The following SH3TC1 variants were observed in gnomAD, a reference collection of about 807,000 sequenced individuals.
SH3TC1 encodes the protein SH3 domain and tetratricopeptide repeats 1.
In SH3TC1, 135 loss-of-function variants were observed where a neutral mutation model predicts 117.3. The observed-to-expected ratio is 1.15, with a 90% CI of 1.00 to 1.33. The LOEUF (loss-of-function observed/expected upper bound fraction) is 1.33, where lower values mean the gene tolerates loss of function less well. Among genes scored for constraint, SH3TC1 ranks in the 40% most tolerant of loss-of-function variants. The pLI, the probability that SH3TC1 is intolerant of heterozygous loss-of-function variation, is 0.00. For synonymous variants in SH3TC1, 898 were observed against 816.9 expected (o/e 1.10, Z -1.69); for missense variants, 2,092 against 1,794.3 (o/e 1.17, Z -3.00).
Position 8,206,832 on chromosome 4 carries a change from C to CGTGTGTGTGTGTGTGTGT in SH3TC1, c.172+1486_172+1503dup, listed in dbSNP as rs58753240. Among the ~76,000 whole-genome samples the CGTGTGTGTGTGTGTGTGT allele has an allele frequency of 6.9e-6, 1 of 144,672 alleles. No individual in the cohort carries two copies. Among genetic ancestry groups the CGTGTGTGTGTGTGTGTGT allele is most frequent in the Non-Finnish European group, 1.5e-5 (1 of 65,600 alleles). The allele number at this position is 144,672 out of a possible 152,430, so 94.9% of individuals were successfully genotyped here. On this transcript the variant is annotated intron_variant, in intron 2 of 17. Coordinates refer to ENST00000245105, the MANE Select transcript of SH3TC1 (RefSeq NM_018986.5). The surrounding 1 kb of genome is among the most constrained non-coding windows in gnomAD (Gnocchi z 5.5). ...AGGACTTTTACTTTGTGTGTGTACTCGTGTGTGTGTGTGTGTGTGTGTGTG... is the reference window on the plus strand; with the variant it reads ...AGGACTTTTACTTTGTGTGTGTACTCGTGTGTGTGTGTGTGTGTGTGTGTGTGTGTGTGTGTGTGTGTG...
chr4:8,236,197 G>A (rs557170835), intron 15 of SH3TC1, 81 bp from the exon 16 acceptor site: 50 of 1,443,938 alleles, frequency 3.5e-5, no homozygotes, highest in Middle Eastern at 2.5e-4. Context: ...GGGAAGCTCC[G>A]AGCACATGTT....
chr4:8,211,629 G>C (rs879708947), intron 3 of SH3TC1, among the ~76,000 whole-genome samples: 1 of 150,800 alleles, frequency 6.6e-6, no homozygotes. Flanking sequence ...ATCTGGGGCC[G>C]AGTCTTGACC....
rs755795530 is a variant in SH3TC1 at position 8,232,152 on chromosome 4, G to A, written c.3127G>A (p.Glu1043Lys). The A allele has an allele frequency of 2.2e-5, 31 of 1,396,938 alleles. No individual in the cohort carries two copies. The highest frequency in any genetic ancestry group is 4.1e-4 in the Middle Eastern group (2 of 4,894). The allele number at this position is 1,396,938 out of a possible 1,614,324, so 86.5% of individuals were successfully genotyped here. A position where few individuals can be genotyped will look rare whatever the true frequency, so the allele number is the denominator to read the frequency against. The change falls in exon 13 of 18, where the codon GAG becomes AAG. Residue 1043 changes from glutamate to lysine, a missense_variant. By Grantham distance (56) the Glu-to-Lys change is moderately conservative. Coordinates refer to ENST00000245105, the MANE Select transcript of SH3TC1 (RefSeq NM_018986.5). ...CCAGCTCTACCTGTCCCTGGGCACC[G>A]AGCGGTGAGGGCTGGCTCTGTGGTG... ...ISQLYLSLGT[E>K]RAYKSALDYT... is the part of the protein sequence containing the mutation.
rs1560113469 is a variant in SH3TC1, at chr4:8,233,589, G to A, written c.3282+76G>A. On this transcript the variant is annotated intron_variant, in intron 14 of 17. Coordinates refer to ENST00000245105, the MANE Select transcript of SH3TC1 (RefSeq NM_018986.5). ...CATCCATCCGTCCATTGATGATGATGATAGATGATCCTTCCATCATCTATC... is the reference window on the plus strand; with the variant it reads ...CATCCATCCGTCCATTGATGATGATAATAGATGATCCTTCCATCATCTATC... 8.2e-6 allele frequency: 12 copies of A among 1,457,484 alleles called. No homozygotes were observed. The East Asian group carries it at 2.4e-4, about 30-fold the overall frequency. 90.3% of individuals were successfully genotyped at this position (1,457,484 alleles called of 1,614,324 possible). A position where few individuals can be genotyped will look rare whatever the true frequency, so the allele number is the denominator to read the frequency against.
chr4:8,201,141 G>A (rs1323936525), intron 1 of SH3TC1, among the ~76,000 whole-genome samples: 1 of 152,182 alleles, frequency 6.6e-6, no homozygotes, highest in African/African-American at 2.4e-5. Flanking sequence ...TGTTCCGTAA[G>A]AGCCTGGCGA....
Position 8,235,413 on chromosome 4 carries a change from G to C in SH3TC1, c.3283-20G>C. Reference sequence around the variant, plus strand: ...ACCTCACCAGGTGTGGGTCTTGAGGGAACTTCTGCCTCCTTTCAGGTGGCA... The same window carrying C: ...ACCTCACCAGGTGTGGGTCTTGAGGCAACTTCTGCCTCCTTTCAGGTGGCA... On this transcript the variant is annotated intron_variant, in intron 14 of 17. Coordinates refer to ENST00000245105, the MANE Select transcript of SH3TC1 (RefSeq NM_018986.5). The C allele has an allele frequency of 1.4e-6, 2 of 1,471,244 alleles. No homozygotes were observed. Among genetic ancestry groups the C allele is most frequent in the Non-Finnish European group, 1.8e-6 (2 of 1,102,762 alleles). The allele number at this position is 1,471,244 out of a possible 1,614,324, so 91.1% of individuals were successfully genotyped here. A position where few individuals can be genotyped will look rare whatever the true frequency, so the allele number is the denominator to read the frequency against.
chr4:8,211,224 T>C (rs1261556374), intron 3 of SH3TC1, among the ~76,000 whole-genome samples: 119 of 19,602 alleles, frequency 6.1e-3, no homozygotes, highest in Middle Eastern at 0.026. Flanking sequence ...CTCTCCCCCT[T>C]CTGGTTTCTC....
rs1427266036 is a variant in SH3TC1 at position 8,192,691 on chromosome 4, A to G, written c.-57+10481A>G. On this transcript the variant is annotated intron_variant, in intron 1 of 16. Transcript: ENST00000508641. The surrounding 1 kb of genome is among the most constrained non-coding windows in gnomAD (Gnocchi z 4.1). The stretch of plus-strand genomic sequence containing the variant: ...GTATTTTTAGTAGAGGTGGGGTTTC[A>G]CTGTGTTGGTCAGGCTGGTCTCAAA... 6.6e-6 allele frequency among the ~76,000 whole-genome samples: 1 copy of G among 151,692 alleles called. No individual in the cohort carries two copies. The highest frequency in any genetic ancestry group is 1.5e-5 in the Non-Finnish European group (1 of 67,964).
chr4:8,212,684 T>A lies in SH3TC1; in HGVS notation c.248-17T>A, dbSNP rs1423179238. On this transcript the variant is annotated splice_polypyrimidine_tract_variant and intron_variant, in intron 3 of 17. Coordinates refer to ENST00000245105, the MANE Select transcript of SH3TC1 (RefSeq NM_018986.5). The stretch of plus-strand genomic sequence containing the variant: ...CCCAGGTCAGACCAACTGCCCAACC[T>A]CCGTCTGCCCCTCCAGACCTGACCC... 6.2e-7 allele frequency: 1 copy of A among 1,612,662 alleles called. No homozygotes were observed. The highest frequency in any genetic ancestry group is 8.5e-7 in the Non-Finnish European group (1 of 1,179,862).
intron 15 of SH3TC1, chr4:8,236,051 G>A (rs368375349): frequency 2.9e-5 from 16 of 544,268 alleles, no homozygotes; most frequent in African/African-American, 5.9e-5. Context: ...GTGCCCAGGC[G>A]GGAGGGGCTG....
chr4:8,222,920 A>G lies in SH3TC1; in HGVS notation c.1193A>G (p.Gln398Arg), dbSNP rs1419775669. The G allele has an allele frequency of 1.9e-6, 3 of 1,613,346 alleles. No individual in the cohort carries two copies. The highest frequency in any genetic ancestry group is 2.2e-5 in the South Asian group (2 of 91,034). ...TGCTTTTCTGAGGAGGATGCCAGGC[A>G]GTTGCTGAGGCGGATGTCGGGCACC... is the stretch of plus-strand genomic sequence containing the variant. ...EGCFSEEDARQLLRRMSGTDV... is the reference protein window; with the variant it reads ...EGCFSEEDARRLLRRMSGTDV... The change falls in exon 10 of 18, where the codon CAG becomes CGG. Residue 398 changes from glutamine (Q) to arginine (R), a missense_variant. Physicochemically the swap from Gln to Arg is conservative, Grantham distance 43 (BLOSUM62 1). Transcript: ENST00000245105.
chr4:8,194,857 T>C (rs1717511883), upstream of SH3TC1, among the ~76,000 whole-genome samples: 1 of 152,178 alleles, frequency 6.6e-6, no homozygotes, highest in South Asian at 2.1e-4. Flanking sequence ...TCCCGGGGTT[T>C]CCGGCAATTG....
In SH3TC1 at chr4:8,240,874, G is replaced by T. The variant is rs1722275655; in HGVS notation, c.3930G>T (p.Glu1310Asp). 2 of 1,613,598 alleles carry T rather than the reference G, an allele frequency of 1.2e-6. No homozygotes were observed. Among genetic ancestry groups the T allele is most frequent in the African/African-American group, 2.7e-5 (2 of 75,066 alleles). The stretch of plus-strand genomic sequence containing the variant: ...AGAAGGCCAGGACCTTCGCCACAGA[G>T]CTCAACGTCCGCAGGGTCAACCTGC... ...FYQKARTFAT[E>D]LNVRRVNLPP... The change falls in exon 18 of 18, where the codon GAG (glutamate) becomes GAT (aspartate). Residue 1310 changes from glutamate (E) to aspartate (D), a missense_variant. By Grantham distance (45) the Glu-to-Asp change is conservative (BLOSUM62 2). Transcript: ENST00000245105.
chr4:8,225,065 C>A lies in SH3TC1; in HGVS notation c.1244-110C>A. The A allele has an allele frequency of 7.5e-7, 1 of 1,328,816 alleles. No homozygotes were observed. 82.3% of individuals were successfully genotyped at this position (1,328,816 alleles called of 1,614,324 possible). On this transcript the variant is annotated intron_variant, in intron 10 of 17. Coordinates refer to ENST00000245105, the MANE Select transcript of SH3TC1 (RefSeq NM_018986.5). This position sits in a 1 kb window ranked among gnomAD's most constrained non-coding sequence, Gnocchi z 5.5. ...CCCTGCAACATCTCAGCCCTCAATA[C>A]CTGCACCCAGCAATGCTCTCACCCT...
At position 8,237,677 on chromosome 4, in the gene SH3TC1, G is replaced by C; in HGVS notation, c.3753+7G>C. 1 of 1,592,028 alleles carries C rather than the reference G, an allele frequency of 6.3e-7. No homozygotes were observed. The highest frequency in any genetic ancestry group is 8.6e-7 in the Non-Finnish European group (1 of 1,166,634). On this transcript the variant is annotated splice_region_variant and intron_variant, in intron 17 of 17. Transcript: ENST00000245105. ...CATCTTCTACGACCTGAAGGTGGGT[G>C]GGGAGGGGCTGGGCTCAGGGTGTTC...
At chr4:8,216,818 G>C in intron 6 of SH3TC1, 139 bp from the exon 7 acceptor site, 1 of 811,360 alleles carries the variant, frequency 1.2e-6, no homozygotes, top group Non-Finnish European at 2.0e-6. Flanking sequence ...AGCCCCTTTG[G>C]GTCTCTGTGC....
rs1427702687 is a variant in SH3TC1 at position 8,190,072 on chromosome 4, A to G, written c.-57+7862A>G. On this transcript the variant is annotated intron_variant, in intron 1 of 16. Transcript: ENST00000508641. This position sits in a 1 kb window ranked among gnomAD's most constrained non-coding sequence, Gnocchi z 4.7. ...CGAGGCCAGGAAGTAGGGCCTGGAA[A>G]GTAGCACTTGAGGTTTTGCTGGGAG... Among the ~76,000 whole-genome samples, 1 of 152,204 alleles carries G rather than the reference A, an allele frequency of 6.6e-6. No individual in the cohort carries two copies. Among genetic ancestry groups the G allele is most frequent in the Non-Finnish European group, 1.5e-5 (1 of 68,022 alleles).
At position 8,225,112 on chromosome 4, in the gene SH3TC1, C is replaced by G; in HGVS notation, c.1244-63C>G. 6.3e-7 allele frequency: 1 copy of G among 1,595,770 alleles called. No homozygotes were observed. Among genetic ancestry groups the G allele is most frequent in the Non-Finnish European group, 8.6e-7 (1 of 1,166,514 alleles). Reference sequence around the variant, plus strand: ...CCCTGCAACATCGACACTAGCTCAACCTGGCAGGGGACCAGAGGTACTGGC... The same window carrying G: ...CCCTGCAACATCGACACTAGCTCAAGCTGGCAGGGGACCAGAGGTACTGGC... On this transcript the variant is annotated intron_variant, in intron 10 of 17. Transcript: ENST00000245105. This position sits in a 1 kb window ranked among gnomAD's most constrained non-coding sequence, Gnocchi z 5.5.
chr4:8,228,110 A>G lies in SH3TC1; in HGVS notation c.2416A>G (p.Ile806Val). The change falls in exon 12 of 18, where the codon ATC becomes GTC. Residue 806 changes from isoleucine to valine, a missense_variant. Coordinates refer to ENST00000245105, the MANE Select transcript of SH3TC1 (RefSeq NM_018986.5). ...YSHHGCHGPA[I>V]TFMTQAVEAS... is the part of the protein sequence containing the mutation. ...CCACCATGGCTGCCACGGCCCGGCC[A>G]TCACCTTCATGACGCAGGCAGTGGA... 6.2e-7 allele frequency: 1 copy of G among 1,611,586 alleles called. No homozygotes were observed. Among genetic ancestry groups the G allele is most frequent in the Non-Finnish European group, 8.5e-7 (1 of 1,179,082 alleles).
Sources: gnomAD v4.1 joint callset for allele counts (sites outside exome capture counted in the v4.1 genomes callset) on GRCh38, gnomAD v4.1.1 for gene constraint, Gnocchi (gnomAD v3.1) non-coding constraint, MANE v1.5 for transcripts, NCBI Gene and HGNC (gene_info 2026-07-23, HGNC 2026-07-21) for gene names.